Variants in PCDHB4 observed in about 807,000 individuals in gnomAD.
PCDHB4 encodes protocadherin beta 4, also known as protocadherin beta-4.
For synonymous variants in PCDHB4, 482 were observed against 447.3 expected (o/e 1.08, Z -0.98); for missense variants, 1,063 against 1,007.0 (o/e 1.06, Z -0.75).
chr5:141,123,888 C>G lies in PCDHB4; in HGVS notation c.1890C>G (p.Ser630Arg), dbSNP rs782781514. ...AGGTGCGCACCGCCAGGCTGCTGAG[C>G]GAGCGCGACGCAGCCAAGCACAGGC... ...NGEVRTARLL[S>R]ERDAAKHRLV... Residue 630 changes from serine (S) to arginine (R), a missense_variant, in exon 1 of 1, where the codon AGC becomes AGG. By Grantham distance (110) the Ser-to-Arg change is moderately radical. Transcript: ENST00000194152. 3.0e-5 allele frequency: 49 copies of G among 1,606,572 alleles called. No homozygotes were observed. The Middle Eastern group carries it at 6.7e-4, about 22-fold the overall frequency.
Position 141,122,557 on chromosome 5 carries a change from G to A in PCDHB4, c.559G>A (p.Gly187Ser). The part of the protein sequence containing the change: ...FHILTRNHSE[G>S]KKYPDLVQDK... The stretch of plus-strand genomic sequence containing the variant: ...CATTCTCACTCGAAATCATAGTGAG[G>A]GCAAGAAATACCCAGATTTGGTGCA... The change falls in exon 1 of 1, where the codon GGC becomes AGC. Residue 187 changes from glycine (G) to serine (S), a missense_variant. Gly to Ser is a moderately conservative substitution (Grantham distance 56). Coordinates refer to ENST00000194152, the MANE Select transcript of PCDHB4 (RefSeq NM_018938.4). 1 of 1,614,210 alleles carries A rather than the reference G, an allele frequency of 6.2e-7. No homozygotes were observed. The highest frequency in any genetic ancestry group is 8.5e-7 in the Non-Finnish European group (1 of 1,180,032).
chr5:141,124,549 A>G lies in PCDHB4; in HGVS notation c.*163A>G. Reference sequence around the variant, plus strand: ...AATTTGTCCCTTTTTTATTGTTATTAATTGCACTTAACATTTTTAGTTATA... The same window carrying G: ...AATTTGTCCCTTTTTTATTGTTATTGATTGCACTTAACATTTTTAGTTATA... On this transcript the variant is annotated 3_prime_UTR_variant, in exon 1 of 1. Transcript: ENST00000194152. 1 of 589,390 alleles carries G rather than the reference A, an allele frequency of 1.7e-6. No homozygotes were observed. The highest frequency in any genetic ancestry group is 2.8e-6 in the Non-Finnish European group (1 of 352,242). The allele number at this position is 589,390 out of a possible 1,614,324, so 36.5% of individuals were successfully genotyped here.
chr5:141,125,442 T>A lies in PCDHB4; in HGVS notation c.*1056T>A, dbSNP rs1752394581. ...TTCACTGTACATTACTTTGCAGATATGGACAGCCTTTACAAAAATAATTTT... is the reference window on the plus strand; with the variant it reads ...TTCACTGTACATTACTTTGCAGATAAGGACAGCCTTTACAAAAATAATTTT... On this transcript the variant is annotated 3_prime_UTR_variant, in exon 1 of 1. Coordinates refer to ENST00000194152, the MANE Select transcript of PCDHB4 (RefSeq NM_018938.4). 6.6e-6 allele frequency: 1 copy of A among 152,222 alleles called. No individual in the cohort carries two copies. Among genetic ancestry groups the A allele is most frequent in the Non-Finnish European group, 1.5e-5 (1 of 68,014 alleles). 9.4% of individuals were successfully genotyped at this position (152,222 alleles called of 1,614,324 possible). A position where few individuals can be genotyped will look rare whatever the true frequency, so the allele number is the denominator to read the frequency against.
rs1752348042 is a variant in PCDHB4 at position 141,123,629 on chromosome 5, C to CGCTGGTGCGCGT, written c.1640_1651dup (p.Arg547_Val550dup). The CGCTGGTGCGCGT allele has an allele frequency of 6.2e-7, 1 of 1,611,830 alleles. No homozygotes were observed. The highest frequency in any genetic ancestry group is 1.3e-5 in the African/African-American group (1 of 74,874). On this transcript the variant is annotated inframe_insertion, in exon 1 of 1. Coordinates refer to ENST00000194152, the MANE Select transcript of PCDHB4 (RefSeq NM_018938.4). ...GGTTCTCCGGCTTTGAGCAGCGAGG[C>CGCTGGTGCGCGT]GCTGGTGCGCGTGCTGGTGCTGGAC...
In PCDHB4 at chr5:141,122,632, G is replaced by T. The variant is rs143468983; in HGVS notation, c.634G>T (p.Val212Leu). The T allele has an allele frequency of 1.2e-6, 2 of 1,614,176 alleles. No homozygotes were observed. The highest frequency in any genetic ancestry group is 3.3e-5 in the Admixed American group (2 of 60,026). ...EEQPEFSLTL[V>L]ALDGGSPPRS... ...GCAGCCTGAGTTCAGCTTAACCCTCGTGGCGCTGGATGGTGGGTCACCACC... is the reference window on the plus strand; with the variant it reads ...GCAGCCTGAGTTCAGCTTAACCCTCTTGGCGCTGGATGGTGGGTCACCACC... Residue 212 changes from valine (V) to leucine (L), a missense_variant, in exon 1 of 1, where the codon GTG becomes TTG. Physicochemically the swap from Val to Leu is conservative, Grantham distance 32. Coordinates refer to ENST00000194152, the MANE Select transcript of PCDHB4 (RefSeq NM_018938.4).
chr5:141,124,006 C>T lies in PCDHB4; in HGVS notation c.2008C>T (p.Leu670=), dbSNP rs782426686. ...LLVDGFSQPY[L]PLPEAAPAQA... ...GGTGGATGGCTTCTCCCAGCCCTAC[C>T]TGCCTCTCCCTGAGGCGGCCCCGGC... is the stretch of plus-strand genomic sequence containing the variant. The change falls in exon 1 of 1, where the codon CTG becomes TTG. Residue 670 remains leucine (L), a synonymous_variant. Coordinates refer to ENST00000194152, the MANE Select transcript of PCDHB4 (RefSeq NM_018938.4). 7 of 1,605,152 alleles carry T rather than the reference C, an allele frequency of 4.4e-6. No individual in the cohort carries two copies. In the South Asian group the frequency reaches 7.7e-5, roughly 18 times the overall value.
In PCDHB4 at chr5:141,121,977, AT is replaced by A; in HGVS notation, c.-21del. 2 of 1,523,842 alleles carry A rather than the reference AT, an allele frequency of 1.3e-6. No homozygotes were observed. The highest frequency in any genetic ancestry group is 1.8e-6 in the Non-Finnish European group (2 of 1,127,532). The allele number at this position is 1,523,842 out of a possible 1,614,324, so 94.4% of individuals were successfully genotyped here. A position where few individuals can be genotyped will look rare whatever the true frequency, so the allele number is the denominator to read the frequency against. ...TCGTTGCGGTTGCTGAGGGGATTGG[AT>A]ATAGGGACCTGGACTCCAACATGAA... On this transcript the variant is annotated 5_prime_UTR_variant, in exon 1 of 1. The change creates a premature stop within an existing upstream ORF in the 5' untranslated region. Transcript: ENST00000194152.
rs1554274561 is a variant in PCDHB4, at chr5:141,123,511, A to C, written c.1513A>C (p.Ile505Leu). ...PHLPLASLVS[I>L]NADNGHLFAL... ...CCTGCCCCTCGCCTCCCTGGTCTCC[A>C]TCAACGCAGACAACGGCCACCTGTT... The change falls in exon 1 of 1, where the codon ATC (isoleucine) becomes CTC (leucine). Residue 505 changes from isoleucine (I) to leucine (L), a missense_variant. Transcript: ENST00000194152. 6.2e-7 allele frequency: 1 copy of C among 1,613,370 alleles called. No homozygotes were observed. The highest frequency in any genetic ancestry group is 1.7e-5 in the Admixed American group (1 of 60,026).
In PCDHB4 at chr5:141,124,345, A is replaced by G. The variant is rs782510271; in HGVS notation, c.2347A>G (p.Lys783Glu). Reference protein sequence around the residue: ...LLVQDTGREVKENPKFRNSLV... With the variant: ...LLVQDTGREVEENPKFRNSLV... ...GGTTCAGGACACCGGGAGGGAAGTT[A>G]AGGAAAACCCCAAGTTCAGAAATAG... Residue 783 changes from lysine to glutamate, a missense_variant, in exon 1 of 1, where the codon AAG becomes GAG. Transcript: ENST00000194152. 1.2e-6 allele frequency: 2 copies of G among 1,613,176 alleles called. No homozygotes were observed. Among genetic ancestry groups the G allele is most frequent in the Admixed American group, 3.3e-5 (2 of 59,844 alleles).
chr5:141,121,939 A>T lies in PCDHB4; in HGVS notation c.-60A>T. The T allele has an allele frequency of 8.3e-7, 1 of 1,199,050 alleles. No homozygotes were observed. The highest frequency in any genetic ancestry group is 1.2e-6 in the Non-Finnish European group (1 of 849,428). 74.3% of individuals were successfully genotyped at this position (1,199,050 alleles called of 1,614,324 possible). The stretch of plus-strand genomic sequence containing the variant: ...TCCTCCAAGCAAGAAATTGGAATTG[A>T]ATGTCTCAAGTCTCGTTGCGGTTGC... On this transcript the variant is annotated 5_prime_UTR_variant, in exon 1 of 1. Coordinates refer to ENST00000194152, the MANE Select transcript of PCDHB4 (RefSeq NM_018938.4).
Position 141,123,237 on chromosome 5 carries a change from C to G in PCDHB4, c.1239C>G (p.Ser413Arg). Residue 413 changes from serine (S) to arginine (R), a missense_variant, in exon 1 of 1, where the codon AGC becomes AGG. Transcript: ENST00000194152. ...AGAGACCACTGGACCGAGAGACCAG[C>G]GCTGAGTACAACATCACCATCGCCG... ...VTERPLDRET[S>R]AEYNITIAVT... 1 of 1,614,186 alleles carries G rather than the reference C, an allele frequency of 6.2e-7. No individual in the cohort carries two copies. The highest frequency in any genetic ancestry group is 1.1e-5 in the South Asian group (1 of 91,068).
rs561978334 is a variant in PCDHB4, at chr5:141,123,910, A to G, written c.1912A>G (p.Arg638Gly). ...GAGCGAGCGCGACGCAGCCAAGCAC[A>G]GGCTCGTGGTGCTTGTCAAGGACAA... ...LLSERDAAKH[R>G]LVVLVKDNGE... The change falls in exon 1 of 1, where the codon AGG becomes GGG. Residue 638 changes from arginine (R) to glycine (G), a missense_variant. By Grantham distance (125) the Arg-to-Gly change is moderately radical (BLOSUM62 -2). Coordinates refer to ENST00000194152, the MANE Select transcript of PCDHB4 (RefSeq NM_018938.4). 558 of 1,606,140 alleles carry G rather than the reference A, an allele frequency of 3.5e-4. 3 individuals are homozygous for G. The Admixed American group carries it at 8.7e-3, about 25-fold the overall frequency.
chr5:141,122,575 T>G lies in PCDHB4; in HGVS notation c.577T>G (p.Leu193Val). The G allele has an allele frequency of 8.1e-6, 13 of 1,614,200 alleles. No homozygotes were observed. The highest frequency in any genetic ancestry group is 1.1e-5 in the South Asian group (1 of 91,078). Residue 193 changes from leucine (L) to valine (V), a missense_variant, in exon 1 of 1, where the codon TTG (leucine) becomes GTG (valine). By Grantham distance (32) the Leu-to-Val change is conservative. Transcript: ENST00000194152. ...TAGTGAGGGCAAGAAATACCCAGAT[T>G]TGGTGCAGGACAAACCACTGGATCG... ...NHSEGKKYPD[L>V]VQDKPLDREE...
In PCDHB4 at chr5:141,123,845, T is replaced by G. The variant is rs1389389126; in HGVS notation, c.1847T>G (p.Val616Gly). Residue 616 changes from valine (V) to glycine (G), a missense_variant, in exon 1 of 1, where the codon GTG becomes GGG. Transcript: ENST00000194152. Reference sequence around the variant, plus strand: ...GCCACGGAGCCTGGGCTGTTCGGCGTGTGGGCGCACAATGGCGAGGTGCGC... The same window carrying G: ...GCCACGGAGCCTGGGCTGTTCGGCGGGTGGGCGCACAATGGCGAGGTGCGC... ...LKATEPGLFG[V>G]WAHNGEVRTA... The G allele has an allele frequency of 2.5e-6, 4 of 1,608,672 alleles. No homozygotes were observed. The African/African-American group carries it at 5.3e-5, about 21-fold the overall frequency.
Position 141,123,916 on chromosome 5 carries a change from G to C in PCDHB4, c.1918G>C (p.Val640Leu), listed in dbSNP as rs1442368661. 3.1e-6 allele frequency: 5 copies of C among 1,605,750 alleles called. No homozygotes were observed. In the South Asian group the frequency reaches 4.4e-5, roughly 14 times the overall value. Residue 640 changes from valine to leucine, a missense_variant, in exon 1 of 1, where the codon GTG becomes CTG. By Grantham distance (32) the Val-to-Leu change is conservative (BLOSUM62 1). Coordinates refer to ENST00000194152, the MANE Select transcript of PCDHB4 (RefSeq NM_018938.4). ...SERDAAKHRL[V>L]VLVKDNGEPP... ...GCGCGACGCAGCCAAGCACAGGCTC[G>C]TGGTGCTTGTCAAGGACAATGGCGA...
At position 141,123,488 on chromosome 5, in the gene PCDHB4, T is replaced by G. The variant is rs1406533492; in HGVS notation, c.1490T>G (p.Leu497Arg). 1 of 1,613,176 alleles carries G rather than the reference T, an allele frequency of 6.2e-7. No homozygotes were observed. Among genetic ancestry groups the G allele is most frequent in the Non-Finnish European group, 8.5e-7 (1 of 1,180,044 alleles). Residue 497 changes from leucine (L) to arginine (R), a missense_variant, in exon 1 of 1, where the codon CTG (leucine) becomes CGG (arginine). Physicochemically the swap from Leu to Arg is moderately radical, Grantham distance 102. Coordinates refer to ENST00000194152, the MANE Select transcript of PCDHB4 (RefSeq NM_018938.4). ...CTGCTGCCGCCCCAGGACCCGCACC[T>G]GCCCCTCGCCTCCCTGGTCTCCATC... is the stretch of plus-strand genomic sequence containing the variant. The part of the protein sequence containing the change: ...YSLLPPQDPH[L>R]PLASLVSINA...
At position 141,123,485 on chromosome 5, in the gene PCDHB4, A is replaced by T; in HGVS notation, c.1487A>T (p.His496Leu). The change falls in exon 1 of 1, where the codon CAC becomes CTC. Residue 496 changes from histidine (H) to leucine (L), a missense_variant. By Grantham distance (99) the His-to-Leu change is moderately conservative. Coordinates refer to ENST00000194152, the MANE Select transcript of PCDHB4 (RefSeq NM_018938.4). The stretch of plus-strand genomic sequence containing the variant: ...TCGCTGCTGCCGCCCCAGGACCCGC[A>T]CCTGCCCCTCGCCTCCCTGGTCTCC... ...TYSLLPPQDP[H>L]LPLASLVSIN... is the part of the protein sequence containing the mutation. 4 of 1,613,110 alleles carry T rather than the reference A, an allele frequency of 2.5e-6. No homozygotes were observed. The highest frequency in any genetic ancestry group is 3.4e-6 in the Non-Finnish European group (4 of 1,180,014).
Position 141,123,533 on chromosome 5 carries a change from T to C in PCDHB4, c.1535T>C (p.Leu512Pro), listed in dbSNP as rs1554274565. 2 of 1,613,286 alleles carry C rather than the reference T, an allele frequency of 1.2e-6. No individual in the cohort carries two copies. Among genetic ancestry groups the C allele is most frequent in the Non-Finnish European group, 1.7e-6 (2 of 1,179,948 alleles). The change falls in exon 1 of 1, where the codon CTG becomes CCG. Residue 512 changes from leucine to proline, a missense_variant. Physicochemically the swap from Leu to Pro is moderately conservative, Grantham distance 98 (BLOSUM62 -3). Coordinates refer to ENST00000194152, the MANE Select transcript of PCDHB4 (RefSeq NM_018938.4). The stretch of plus-strand genomic sequence containing the variant: ...TCCATCAACGCAGACAACGGCCACC[T>C]GTTCGCCCTCAGGTCGCTGGACTAC... Reference protein sequence around the residue: ...LVSINADNGHLFALRSLDYEA... With the variant: ...LVSINADNGHPFALRSLDYEA...
chr5:141,124,353 C>A lies in PCDHB4; in HGVS notation c.2355C>A (p.Asn785Lys). Reference sequence around the variant, plus strand: ...ACACCGGGAGGGAAGTTAAGGAAAACCCCAAGTTCAGAAATAGCTTGGTAT... The same window carrying A: ...ACACCGGGAGGGAAGTTAAGGAAAAACCCAAGTTCAGAAATAGCTTGGTAT... ...VQDTGREVKE[N>K]PKFRNSLVFS Residue 785 changes from asparagine (N) to lysine (K), a missense_variant, in exon 1 of 1, where the codon AAC becomes AAA. By Grantham distance (94) the Asn-to-Lys change is moderately conservative. Coordinates refer to ENST00000194152, the MANE Select transcript of PCDHB4 (RefSeq NM_018938.4). The A allele has an allele frequency of 6.2e-7, 1 of 1,612,186 alleles. No individual in the cohort carries two copies. Among genetic ancestry groups the A allele is most frequent in the African/African-American group, 1.3e-5 (1 of 74,910 alleles).
Sources: gnomAD v4.1 joint callset for allele counts on GRCh38, gnomAD v4.1.1 for gene constraint, MANE v1.5 for transcripts, NCBI Gene and HGNC (gene_info 2026-07-23, HGNC 2026-07-21) for gene names.